FNIP1: variants seen among roughly 807,000 people sequenced by gnomAD.
FNIP1 encodes folliculin-interacting protein 1.
FNIP1 carries 40 observed loss-of-function variants against 124.5 expected under a neutral mutation model. The ratio of observed to expected loss-of-function variants is 0.32; its 90% CI spans 0.25 to 0.42. FNIP1 has a LOEUF of 0.42. Among genes scored for constraint, FNIP1 ranks in the 10% least tolerant of loss-of-function variants. FNIP1 has a pLI of 1.00. For synonymous variants in FNIP1, 472 were observed against 470.6 expected (o/e 1.00, Z -0.04); for missense variants, 1,176 against 1,403.7 (o/e 0.84, Z 2.59).
intron 1 of FNIP1, among the ~76,000 whole-genome samples, chr5:131,785,164 G>A (rs1336849409): frequency 1.2e-5 from 1 of 85,312 alleles, no homozygotes; most frequent in Non-Finnish European, 2.6e-5. Context: ...TGATATATAT[G>A]ACTATATATA....
intron 1 of FNIP1, among the ~76,000 whole-genome samples, chr5:131,761,189 C>T (rs1000346186): frequency 6.6e-6 from 1 of 152,160 alleles, no homozygotes; most frequent in African/African-American, 2.4e-5. Context: ...TATTACTTTA[C>T]ACAACATTTA....
At chr5:131,765,114 T>C (rs1409662646) in intron 1 of FNIP1, among the ~76,000 whole-genome samples, 1 of 151,984 alleles carries the variant, frequency 6.6e-6, no homozygotes, top group Non-Finnish European at 1.5e-5. Context: ...CCCAGCTACT[T>C]GGGAGGCTGA....
chr5:131,653,451 A>G (rs1368543055), intron 15 of FNIP1, among the ~76,000 whole-genome samples: 1 of 152,002 alleles, frequency 6.6e-6, no homozygotes, highest in East Asian at 1.9e-4. Flanking sequence ...AGGCAGGAGA[A>G]TGGCTTGAAC....
At chr5:131,768,643 C>G (rs1771523501) in intron 1 of FNIP1, among the ~76,000 whole-genome samples, 1 of 152,076 alleles carries the variant, frequency 6.6e-6, no homozygotes, top group Non-Finnish European at 1.5e-5. Context: ...AGCCCCATCT[C>G]TACTACAGAT....
At chr5:131,663,609 G>C (rs1477561391) in intron 15 of FNIP1, among the ~76,000 whole-genome samples, 1 of 152,188 alleles carries the variant, frequency 6.6e-6, no homozygotes. Context: ...AACACTGTTT[G>C]CTGGATGCTT....
At chr5:131,673,043 G>A (rs988810385) in intron 13 of FNIP1, 119 bp from the exon 14 acceptor site, 13 of 611,238 alleles carry the variant, frequency 2.1e-5, no homozygotes, top group Non-Finnish European at 3.3e-5. Context: ...GGTTTTACTC[G>A]TTTTTTTGTT....
intron 2 of FNIP1, among the ~76,000 whole-genome samples, chr5:131,735,210 C>CA (rs58532193): frequency 0.027 from 4,028 of 151,978 alleles, 187 homozygotes; most frequent in African/African-American, 0.092. Flanking sequence ...ATCGCAAGGA[C>CA]AAAAAACCAA....
At chr5:131,794,020 TA>T (rs1448351621) in intron 1 of FNIP1, among the ~76,000 whole-genome samples, 1 of 151,618 alleles carries the variant, frequency 6.6e-6, no homozygotes, top group Non-Finnish European at 1.5e-5. Flanking sequence ...ATCAAAAGAA[TA>T]AAAAAACGAT....
intron 15 of FNIP1, among the ~76,000 whole-genome samples, chr5:131,668,414 G>GGT (rs1251730866): frequency 6.6e-6 from 1 of 152,174 alleles, no homozygotes; most frequent in Non-Finnish European, 1.5e-5. Flanking sequence ...GGCCAGGTGC[G>GGT]GTGGCTCACG....
At chr5:131,760,376 A>G (rs753633631) in intron 1 of FNIP1, among the ~76,000 whole-genome samples, 28 of 152,226 alleles carry the variant, frequency 1.8e-4, no homozygotes, top group Admixed American at 5.2e-4. Flanking sequence ...GTCACCTATA[A>G]GGAAAATACC....
chr5:131,702,828 CTT>C (rs1453845844), intron 10 of FNIP1, among the ~76,000 whole-genome samples: 1 of 152,222 alleles, frequency 6.6e-6, no homozygotes, highest in Non-Finnish European at 1.5e-5. Flanking sequence ...AGAATACACT[CTT>C]GTTTTTTCTC....
intron 2 of FNIP1, among the ~76,000 whole-genome samples, chr5:131,736,745 C>T (rs1167002802): frequency 3.9e-5 from 6 of 152,212 alleles, no homozygotes. Context: ...GTTATTTTGA[C>T]AACTTGCCAA....
chr5:131,775,541 T>G (rs1425108424), intron 1 of FNIP1, among the ~76,000 whole-genome samples: 3 of 147,600 alleles, frequency 2.0e-5, no homozygotes, highest in African/African-American at 7.4e-5. Context: ...TTTTTTTTTT[T>G]TTTTGAGAAG....
chr5:131,662,015 C>T (rs1259040894), intron 15 of FNIP1, among the ~76,000 whole-genome samples: 1 of 152,158 alleles, frequency 6.6e-6, no homozygotes, highest in African/African-American at 2.4e-5. Context: ...GAGAGCATGA[C>T]TTTGTGACCA....
intron 13 of FNIP1, among the ~76,000 whole-genome samples, chr5:131,675,388 CATCTTTACAG>C (rs1767880574): frequency 6.6e-6 from 1 of 152,168 alleles, no homozygotes; most frequent in South Asian, 2.1e-4. Context: ...CCAAATCATT[CATCTTTACAG>C]CCTCTGTGCT....
chr5:131,780,065 A>G (rs1771946838), intron 1 of FNIP1, among the ~76,000 whole-genome samples: 1 of 152,090 alleles, frequency 6.6e-6, no homozygotes, highest in Middle Eastern at 3.2e-3. Context: ...TAATAATAAA[A>G]GCTTTAAAAT....
At chr5:131,788,517 A>G (rs1254960224) in intron 1 of FNIP1, among the ~76,000 whole-genome samples, 1 of 152,062 alleles carries the variant, frequency 6.6e-6, no homozygotes, top group Non-Finnish European at 1.5e-5. Context: ...TAAAAATACA[A>G]AAATTAAAAT....
chr5:131,794,548 C>T (rs1333472485), intron 1 of FNIP1, among the ~76,000 whole-genome samples: 2 of 152,010 alleles, frequency 1.3e-5, no homozygotes, highest in East Asian at 3.8e-4. Flanking sequence ...TCATAATAGC[C>T]CAAATCTGGG....
At chr5:131,691,748 C>CA (rs1160595130) in intron 11 of FNIP1, among the ~76,000 whole-genome samples, 1 of 152,202 alleles carries the variant, frequency 6.6e-6, no homozygotes, top group Non-Finnish European at 1.5e-5. Flanking sequence ...GAAAAACACA[C>CA]ACTGCCAAAA....
Sources: allele counts gnomAD v4.1 joint callset (sites outside exome capture counted in the v4.1 genomes callset), GRCh38; gene constraint gnomAD v4.1.1; transcripts MANE v1.5; gene names NCBI Gene and HGNC (gene_info 2026-07-23, HGNC 2026-07-21).